PLD1: variants seen among roughly 807,000 people sequenced by gnomAD.
The protein encoded by PLD1 is phospholipase D1.
In PLD1, 112 loss-of-function variants were observed where a neutral mutation model predicts 137.1. The observed-to-expected ratio is 0.82, with a 90% CI of 0.70 to 0.96. PLD1 has a LOEUF of 0.96. Among genes scored for constraint, PLD1 ranks in the 40% least tolerant of loss-of-function variants. The pLI, the probability that PLD1 is intolerant of heterozygous loss-of-function variation, is 0.00. For missense variants in PLD1, 1,321 were observed against 1,342.0 expected (o/e 0.98, Z 0.24); for synonymous variants, 431 against 454.7 (o/e 0.95, Z 0.66).
intron 21 of PLD1, among the ~76,000 whole-genome samples, chr3:171,652,442 T>C (rs994358104): frequency 5.3e-5 from 8 of 150,610 alleles, no homozygotes; most frequent in African/African-American, 1.9e-4. Flanking sequence ...GGTACTGCAG[T>C]TGAATTTTCT....
At chr3:171,613,470 C>CA (rs1215426353) in intron 24 of PLD1, among the ~76,000 whole-genome samples, 10 of 152,132 alleles carry the variant, frequency 6.6e-5, no homozygotes, top group Admixed American at 6.5e-4. Flanking sequence ...GGCTTTAACT[C>CA]AAAGTCACAT....
intron 13 of PLD1, among the ~76,000 whole-genome samples, chr3:171,689,451 A>G (rs1714923514): frequency 1.3e-5 from 2 of 152,030 alleles, no homozygotes; most frequent in Non-Finnish European, 2.9e-5. Flanking sequence ...AAGATTACAA[A>G]AGCTTTGGCA....
At chr3:171,801,555 A>G (rs1723646786) in intron 1 of PLD1, among the ~76,000 whole-genome samples, 1 of 152,154 alleles carries the variant, frequency 6.6e-6, no homozygotes, top group Non-Finnish European at 1.5e-5. Flanking sequence ...CAGCCTCCCA[A>G]GTAGCTAGGA....
chr3:171,735,901 G>A (rs550219857), intron 3 of PLD1, among the ~76,000 whole-genome samples: 2 of 152,116 alleles, frequency 1.3e-5, no homozygotes, highest in South Asian at 4.1e-4. Flanking sequence ...ACATATGTGC[G>A]TGTATGCATC....
chr3:171,670,698 T>A (rs1171059151), intron 19 of PLD1, among the ~76,000 whole-genome samples: 1 of 152,238 alleles, frequency 6.6e-6, no homozygotes, highest in Non-Finnish European at 1.5e-5. Context: ...TATTTATCAC[T>A]GCCATGTGGC....
intron 1 of PLD1, among the ~76,000 whole-genome samples, chr3:171,808,058 C>T (rs2108363662): frequency 6.6e-6 from 1 of 152,176 alleles, no homozygotes; most frequent in African/African-American, 2.4e-5. Flanking sequence ...CAACAATAGA[C>T]ACTGGGAACT....
At chr3:171,748,699 G>A (rs1352226969) in intron 1 of PLD1, among the ~76,000 whole-genome samples, 1 of 151,718 alleles carries the variant, frequency 6.6e-6, no homozygotes, top group Non-Finnish European at 1.5e-5. Flanking sequence ...CAGTACCATG[G>A]TAGATATGTG....
intron 21 of PLD1, chr3:171,653,267 T>C (rs572087685): frequency 1.3e-5 from 2 of 152,372 alleles, no homozygotes; most frequent in African/African-American, 4.8e-5. Context: ...TATTCAATTA[T>C]ATCAATTGCT....
In PLD1 at chr3:171,704,457, G is replaced by GA. The variant is rs1362665761; in HGVS notation, c.1145+4297_1145+4298insT. 4.6e-3 allele frequency among the ~76,000 whole-genome samples: 454 copies of GA among 98,152 alleles called. 10 individuals are homozygous for GA. The highest frequency in any genetic ancestry group is 0.02 in the African/African-American group (432 of 21,758). 64.4% of individuals were successfully genotyped at this position (98,152 alleles called of 152,430 possible). A position where few individuals can be genotyped will look rare whatever the true frequency, so the allele number is the denominator to read the frequency against. On this transcript the variant is annotated intron_variant, in intron 11 of 26. Transcript: ENST00000351298. ...AAAGTACCTGGCACACAAAGAACCAGGAAAAAAAAAAAAAAAAAAACCTTA... is the reference window on the plus strand; with the variant it reads ...AAAGTACCTGGCACACAAAGAACCAGAGAAAAAAAAAAAAAAAAAAACCTTA...
intron 11 of PLD1, among the ~76,000 whole-genome samples, chr3:171,708,399 CTGGCCCT>C (rs982522901): frequency 6.6e-6 from 1 of 152,178 alleles, no homozygotes; most frequent in African/African-American, 2.4e-5. Context: ...AGTATATTCA[CTGGCCCT>C]CATGACAGAC....
At chr3:171,632,508 G>A (rs1395504041) in intron 23 of PLD1, among the ~76,000 whole-genome samples, 3 of 151,958 alleles carry the variant, frequency 2.0e-5, no homozygotes, top group Non-Finnish European at 2.9e-5. Context: ...TTAAGAGAAT[G>A]TCCTTGTTTT....
intron 8 of PLD1, among the ~76,000 whole-genome samples, chr3:171,714,403 A>G (rs1182965089): frequency 2.0e-5 from 3 of 152,212 alleles, no homozygotes; most frequent in Admixed American, 6.5e-5. Flanking sequence ...AGTGAATGCA[A>G]ATGGTAACTT....
chr3:171,698,594 G>A (rs1442890942), intron 12 of PLD1, among the ~76,000 whole-genome samples: 2 of 152,062 alleles, frequency 1.3e-5, no homozygotes, highest in African/African-American at 4.8e-5. Context: ...TGAAAGCTAT[G>A]AGAAACAGAA....
At position 171,733,445 on chromosome 3, in the gene PLD1, G is replaced by A; in HGVS notation, c.605C>T (p.Thr202Ile). Residue 202 changes from threonine (T) to isoleucine (I), a missense_variant and splice_region_variant, in exon 6 of 27, where the codon ACA becomes ATA. By Grantham distance (89) the Thr-to-Ile change is moderately conservative. Transcript: ENST00000351298. ...KMPMYRNYHA[T>I]TEFLDISQLS... is the part of the protein sequence containing the mutation. ...CTTAAATCACTGACTAGTACTTACT[G>A]TGGCATGATAGTTTCTATACATGGG... 1 of 1,216,740 alleles carries A rather than the reference G, an allele frequency of 8.2e-7. No homozygotes were observed. Among genetic ancestry groups the A allele is most frequent in the Non-Finnish European group, 1.2e-6 (1 of 826,168 alleles). 75.4% of individuals were successfully genotyped at this position (1,216,740 alleles called of 1,614,324 possible). A position where few individuals can be genotyped will look rare whatever the true frequency, so the allele number is the denominator to read the frequency against.
intron 19 of PLD1, among the ~76,000 whole-genome samples, chr3:171,668,432 C>G (rs141037618): frequency 5.4e-4 from 83 of 152,332 alleles, no homozygotes; most frequent in African/African-American, 2.0e-3. Context: ...TCAGATCTAA[C>G]AGATCCTTGG....
chr3:171,661,540 T>C (rs1381569573), intron 20 of PLD1, among the ~76,000 whole-genome samples: 1 of 152,160 alleles, frequency 6.6e-6, no homozygotes, highest in Non-Finnish European at 1.5e-5. Context: ...AGCTTCCTAA[T>C]CAATAGTAGT....
At chr3:171,607,499 C>T (rs1732303092) in intron 25 of PLD1, among the ~76,000 whole-genome samples, 1 of 151,756 alleles carries the variant, frequency 6.6e-6, no homozygotes, top group African/African-American at 2.4e-5. Context: ...TATTATTTTC[C>T]CTGGCAGTAT....
At chr3:171,687,635 T>G (rs576688678) in intron 14 of PLD1, 51 bp from the exon 15 acceptor site, 1 of 1,130,062 alleles carries the variant, frequency 8.8e-7, no homozygotes, top group African/African-American at 1.6e-5. Flanking sequence ...CATGCTGCAG[T>G]GTGGTTCTTT....
At chr3:171,670,076 C>G (rs1712589743) in intron 19 of PLD1, among the ~76,000 whole-genome samples, 1 of 152,148 alleles carries the variant, frequency 6.6e-6, no homozygotes, top group Non-Finnish European at 1.5e-5. Flanking sequence ...AAGTCAATCT[C>G]ATGCAAGTAG....
Sources: gnomAD v4.1 joint callset for allele counts (sites outside exome capture counted in the v4.1 genomes callset) on GRCh38, gnomAD v4.1.1 for gene constraint, MANE v1.5 for transcripts, NCBI Gene and HGNC (gene_info 2026-07-23, HGNC 2026-07-21) for gene names.